DPP6: variants seen among roughly 807,000 people sequenced by gnomAD.
DPP6 encodes the protein dipeptidyl peptidase like 6, also known as A-type potassium channel modulatory protein DPP6.
Under a neutral mutation model 122.6 loss-of-function variants are expected in DPP6, and 69 were observed. The observed-to-expected ratio is 0.56, with a 90% CI of 0.46 to 0.69. DPP6 has a LOEUF of 0.69. DPP6 is among the 30% of genes least tolerant of loss of function. The probability of loss-of-function intolerance (pLI) is 0.00; values close to 1 mark genes in which losing one functional copy is unlikely to be tolerated. For synonymous variants in DPP6, 418 were observed against 433.1 expected (o/e 0.97, Z 0.43); for missense variants, 928 against 1,116.9 (o/e 0.83, Z 2.41).
At chr7:154,185,076 C>A (rs1798288459) in intron 1 of DPP6, among the ~76,000 whole-genome samples, 1 of 152,126 alleles carries the variant, frequency 6.6e-6, no homozygotes, top group Non-Finnish European at 1.5e-5. Context: ...CTCTCAGAAG[C>A]CCTATCTAAC....
chr7:154,533,017 C>T (rs1827966909), intron 3 of DPP6, among the ~76,000 whole-genome samples: 1 of 152,176 alleles, frequency 6.6e-6, no homozygotes, highest in Non-Finnish European at 1.5e-5. Flanking sequence ...CACAGGGACA[C>T]AAAGAAGAAT....
intron 1 of DPP6, among the ~76,000 whole-genome samples, chr7:154,242,025 T>C (rs998698630): frequency 6.6e-6 from 1 of 152,226 alleles, no homozygotes; most frequent in African/African-American, 2.4e-5. Flanking sequence ...GAAGGAGCTG[T>C]TCATAGGTTC....
intron 1 of DPP6, among the ~76,000 whole-genome samples, chr7:154,117,280 ACT>A (rs1412874586): frequency 2.6e-5 from 4 of 152,190 alleles, no homozygotes; most frequent in African/African-American, 9.6e-5. Context: ...GGTACAAGAC[ACT>A]CTGCCTTTAC....
chr7:154,788,033 T>A (rs1267338999), intron 10 of DPP6, among the ~76,000 whole-genome samples: 1 of 152,224 alleles, frequency 6.6e-6, no homozygotes, highest in Non-Finnish European at 1.5e-5. Context: ...TTGATAGTAG[T>A]TTAGAACTAG....
chr7:154,723,467 T>A (rs2316240), intron 7 of DPP6, among the ~76,000 whole-genome samples: 3,004 of 89,274 alleles, frequency 0.034, 101 homozygotes, highest in African/African-American at 0.083. Flanking sequence ...ACATTTATTT[T>A]TAAAAAAAAA....
intron 1 of DPP6, among the ~76,000 whole-genome samples, chr7:153,943,162 T>A (rs1801777213): frequency 6.6e-6 from 1 of 152,164 alleles, no homozygotes; most frequent in South Asian, 2.1e-4. Context: ...GAGTCAATGA[T>A]TTCATCAATT....
chr7:154,423,852 G>A (rs532620442), intron 1 of DPP6, among the ~76,000 whole-genome samples: 16 of 152,284 alleles, frequency 1.1e-4, no homozygotes, highest in Admixed American at 7.8e-4. Flanking sequence ...GCAAATTTTG[G>A]AAAGAACTAT....
chr7:154,019,889 CTT>C (rs1798615876), intron 1 of DPP6, among the ~76,000 whole-genome samples: 1 of 152,114 alleles, frequency 6.6e-6, no homozygotes, highest in Non-Finnish European at 1.5e-5. Flanking sequence ...CATATAAAGT[CTT>C]TTTCTTGGAG....
At chr7:154,235,496 T>C (rs4725531) in intron 1 of DPP6, among the ~76,000 whole-genome samples, 90,510 of 146,194 alleles carry the variant, frequency 0.62, 32,357 homozygotes, top group Non-Finnish European at 0.75. Context: ...TCTTTTTTCC[T>C]CTTACTATAC....
chr7:154,358,752 C>T (rs911942321), intron 1 of DPP6, among the ~76,000 whole-genome samples: 3 of 152,190 alleles, frequency 2.0e-5, no homozygotes, highest in Non-Finnish European at 4.4e-5. Flanking sequence ...GTCACCCAGG[C>T]TGGAATGCAA....
Position 153,977,432 on chromosome 7 carries a change from A to G in DPP6, c.51+89698A>G, listed in dbSNP as rs564178817. Among the ~76,000 whole-genome samples, 21 of 152,224 alleles carry G rather than the reference A, an allele frequency of 1.4e-4. No individual in the cohort carries two copies. In the South Asian group the frequency reaches 4.1e-3, roughly 30 times the overall value. ...CTTCAGTGGTCTTTCTCCCTCTATT[A>G]TATCACATTTATTATAACAGCTTTA... On this transcript the variant is annotated intron_variant, in intron 1 of 25. Coordinates refer to the DPP6 transcript ENST00000404039.
intron 2 of DPP6, among the ~76,000 whole-genome samples, chr7:154,464,590 T>G (rs1821624258): frequency 6.6e-6 from 1 of 152,180 alleles, no homozygotes; most frequent in Non-Finnish European, 1.5e-5. Flanking sequence ...TCTGAAGCCA[T>G]AGAGAGAGGA....
chr7:154,820,715 C>T (rs916643615), intron 16 of DPP6, among the ~76,000 whole-genome samples: 1 of 152,058 alleles, frequency 6.6e-6, no homozygotes. Context: ...CGAATGTAAT[C>T]TCTTGGTAGA....
At chr7:154,484,777 G>A (rs1479220695) in intron 3 of DPP6, among the ~76,000 whole-genome samples, 2 of 152,216 alleles carry the variant, frequency 1.3e-5, no homozygotes, top group Non-Finnish European at 2.9e-5. Flanking sequence ...TGCGGTACTA[G>A]AGAGACTGTA....
intron 8 of DPP6, among the ~76,000 whole-genome samples, chr7:154,758,574 GT>G (rs1178038683): frequency 6.6e-6 from 1 of 152,060 alleles, no homozygotes; most frequent in Admixed American, 6.6e-5. Context: ...GTTTCACCAT[GT>G]TGACCAGGCT....
intron 10 of DPP6, among the ~76,000 whole-genome samples, chr7:154,774,877 G>T (rs1393596124): frequency 6.6e-6 from 1 of 152,214 alleles, no homozygotes; most frequent in Non-Finnish European, 1.5e-5. Flanking sequence ...TGTGAGAAGG[G>T]CTGTGGAAAC....
At chr7:154,820,271 G>A (rs1336561775) in intron 16 of DPP6, among the ~76,000 whole-genome samples, 1 of 152,180 alleles carries the variant, frequency 6.6e-6, no homozygotes. Flanking sequence ...GCATTTTAAA[G>A]ATCTTGTCCA....
At chr7:154,231,419 C>T (rs79745565) in intron 1 of DPP6, among the ~76,000 whole-genome samples, 174 of 152,232 alleles carry the variant, frequency 1.1e-3, no homozygotes, top group African/African-American at 4.0e-3. Flanking sequence ...CCTAGGAATA[C>T]GAGTACTTCC....
chr7:153,806,229 C>T, the DPP6 span, among the ~76,000 whole-genome samples: 10 of 151,770 alleles, frequency 6.6e-5, no homozygotes, highest in African/African-American at 2.2e-4. Context: ...GCTCACTGAC[C>T]ACCTTATCTC....
Sources: gnomAD v4.1 joint callset for allele counts (sites outside exome capture counted in the v4.1 genomes callset) on GRCh38, gnomAD v4.1.1 for gene constraint, MANE v1.5 for transcripts, NCBI Gene and HGNC (gene_info 2026-07-23, HGNC 2026-07-21) for gene names.